Variants in IQCM observed in about 807,000 individuals in gnomAD.
The protein encoded by IQCM is IQ domain-containing protein M.
Under a neutral mutation model 57.6 loss-of-function variants are expected in IQCM, and 45 were observed. That is an observed-to-expected ratio of 0.78 (90% confidence interval 0.62 to 1.00). IQCM has a LOEUF of 1.00. Ranked by LOEUF, IQCM falls within the 50% of genes least tolerant of loss-of-function variation. The pLI is 0.00. For synonymous variants in IQCM, 148 were observed against 158.9 expected (o/e 0.93, Z 0.51); for missense variants, 468 against 511.6 (o/e 0.91, Z 0.82).
chr4:149,608,220 T>G (rs924599695), intron 8 of IQCM, among the ~76,000 whole-genome samples: 13 of 151,886 alleles, frequency 8.6e-5, no homozygotes, highest in African/African-American at 1.9e-4. Flanking sequence ...ATATAACAAT[T>G]TCCAAATTAT....
intron 5 of IQCM, among the ~76,000 whole-genome samples, chr4:149,708,419 T>A (rs1580078824): frequency 1.3e-5 from 2 of 151,744 alleles, no homozygotes; most frequent in Admixed American, 1.3e-4. Flanking sequence ...TTTGTCAGAA[T>A]GTAAATATAA....
chr4:149,421,214 C>G (rs570169218), intron 13 of IQCM, among the ~76,000 whole-genome samples: 233 of 152,126 alleles, frequency 1.5e-3, no homozygotes, highest in African/African-American at 5.4e-3. Flanking sequence ...ACAGTATACA[C>G]TTTAGAGTAT....
chr4:149,458,131 A>T (rs1159937754), intron 12 of IQCM, among the ~76,000 whole-genome samples: 1 of 152,076 alleles, frequency 6.6e-6, no homozygotes, highest in Non-Finnish European at 1.5e-5. Flanking sequence ...CAGGAAAACA[A>T]ATATGAAAGT....
intron 13 of IQCM, among the ~76,000 whole-genome samples, chr4:149,397,276 G>A (rs1359204174): frequency 6.6e-6 from 1 of 151,714 alleles, no homozygotes; most frequent in Non-Finnish European, 1.5e-5. Flanking sequence ...GTGGTTGTGA[G>A]TTGCATTTCC....
At chr4:149,681,260 C>T (rs142887933) in intron 7 of IQCM, among the ~76,000 whole-genome samples, 1 of 151,364 alleles carries the variant, frequency 6.6e-6, no homozygotes, top group African/African-American at 2.4e-5. Context: ...GAGACCCATA[C>T]ATTATTGTAT....
At chr4:149,779,873 C>T (rs533030470) in intron 2 of IQCM, among the ~76,000 whole-genome samples, 21 of 152,248 alleles carry the variant, frequency 1.4e-4, no homozygotes, top group East Asian at 7.7e-4. Flanking sequence ...CCTTATACTA[C>T]GCTGTTTGTG....
chr4:149,572,173 G>A (rs1227066558), intron 9 of IQCM, among the ~76,000 whole-genome samples: 3 of 152,022 alleles, frequency 2.0e-5, no homozygotes, highest in Admixed American at 6.6e-5. Context: ...GTAATAATGT[G>A]CAGACAAGCA....
chr4:149,548,958 T>A (rs998715948), intron 11 of IQCM, among the ~76,000 whole-genome samples: 163 of 152,338 alleles, frequency 1.1e-3, no homozygotes, highest in Non-Finnish European at 1.9e-3. Flanking sequence ...GCTGCTCTAC[T>A]TTTTTCATCT....
intron 7 of IQCM, among the ~76,000 whole-genome samples, chr4:149,677,932 A>G (rs562683373): frequency 1.3e-5 from 2 of 152,044 alleles, no homozygotes; most frequent in Non-Finnish European, 2.9e-5. Context: ...AGGATCAAGA[A>G]GAGCAAAGAA....
At chr4:149,380,699 G>C (rs547061663) in intron 13 of IQCM, among the ~76,000 whole-genome samples, 1 of 152,204 alleles carries the variant, frequency 6.6e-6, no homozygotes, top group East Asian at 1.9e-4. Context: ...CAGGTATCAG[G>C]AAAGAGAAAA....
intron 2 of IQCM, among the ~76,000 whole-genome samples, chr4:149,779,873 C>A (rs533030470): frequency 6.6e-6 from 1 of 152,130 alleles, no homozygotes. Flanking sequence ...CCTTATACTA[C>A]GCTGTTTGTG....
chr4:149,390,471 T>C (rs1234196702), intron 13 of IQCM, among the ~76,000 whole-genome samples: 1 of 151,818 alleles, frequency 6.6e-6, no homozygotes, highest in Non-Finnish European at 1.5e-5. Flanking sequence ...TGTTGAATGG[T>C]AGCAGTGAGA....
At chr4:149,666,728 A>T (rs1466768833) in intron 7 of IQCM, among the ~76,000 whole-genome samples, 1 of 152,130 alleles carries the variant, frequency 6.6e-6, no homozygotes, top group Non-Finnish European at 1.5e-5. Context: ...CTGGGATACT[A>T]GAGCTTGGTG....
chr4:149,683,299 C>A (rs1223142388), intron 6 of IQCM, among the ~76,000 whole-genome samples: 1 of 151,014 alleles, frequency 6.6e-6, no homozygotes, highest in Non-Finnish European at 1.5e-5. Flanking sequence ...ACTATAAATG[C>A]CTAGAAATTA....
chr4:149,712,655 A>G (rs1764658151), intron 5 of IQCM, among the ~76,000 whole-genome samples: 1 of 152,184 alleles, frequency 6.6e-6, no homozygotes, highest in Non-Finnish European at 1.5e-5. Flanking sequence ...ACTTTCTAGC[A>G]TAGAGTACAG....
chr4:149,602,716 A>C (rs940052547), intron 8 of IQCM, among the ~76,000 whole-genome samples: 2 of 152,076 alleles, frequency 1.3e-5, no homozygotes, highest in African/African-American at 4.8e-5. Flanking sequence ...TAACTTAATA[A>C]AGTTAATAAT....
intron 12 of IQCM, among the ~76,000 whole-genome samples, chr4:149,510,395 G>C (rs2149808442): frequency 6.6e-6 from 1 of 152,132 alleles, no homozygotes; most frequent in African/African-American, 2.4e-5. Context: ...AGTATTACAA[G>C]TATTATTTGC....
Position 149,442,536 on chromosome 4 carries a change from A to G in IQCM, c.1229-8979T>C, listed in dbSNP as rs541816712. On this transcript the variant is annotated intron_variant, in intron 12 of 13. Transcript: ENST00000636793. ...TTCTCCTCCTATGTAACTGCAGGAC[A>G]TTATTCCACTAATTAAGCTTTCTGC... is the stretch of plus-strand genomic sequence containing the variant. 4.9e-4 allele frequency among the ~76,000 whole-genome samples: 74 copies of G among 152,258 alleles called. 1 individual carries two copies. The South Asian group carries it at 0.015, about 32-fold the overall frequency.
intron 13 of IQCM, among the ~76,000 whole-genome samples, chr4:149,380,987 T>C (rs1232742570): frequency 6.6e-6 from 1 of 152,218 alleles, no homozygotes; most frequent in Non-Finnish European, 1.5e-5. Flanking sequence ...GTAACAGTCA[T>C]TTCAAAATTC....
Sources: gnomAD v4.1 joint callset for allele counts (sites outside exome capture counted in the v4.1 genomes callset) on GRCh38, gnomAD v4.1.1 for gene constraint, MANE v1.5 for transcripts, NCBI Gene and HGNC (gene_info 2026-07-23, HGNC 2026-07-21) for gene names.